ZNF646: variants seen among roughly 807,000 people sequenced by gnomAD.
ZNF646 encodes zinc finger protein 646.
Under a neutral mutation model 115.4 loss-of-function variants are expected in ZNF646, and 49 were observed. The observed-to-expected ratio is 0.42, with a 90% CI of 0.34 to 0.54. The LOEUF is 0.54. ZNF646 is among the 20% of genes least tolerant of loss of function. The pLI is 0.04. For synonymous variants in ZNF646, 933 were observed against 939.0 expected (o/e 0.99, Z 0.12); for missense variants, 2,269 against 2,457.9 (o/e 0.92, Z 1.62).
rs778925407 is a variant in ZNF646, at chr16:31,080,216, C to T, written c.3892C>T (p.Pro1298Ser). 2.4e-5 allele frequency: 38 copies of T among 1,610,404 alleles called. No individual in the cohort carries two copies. The South Asian group carries it at 4.1e-4, about 17-fold the overall frequency. The change falls in exon 2 of 3, where the codon CCC becomes TCC. Residue 1298 changes from proline to serine, a missense_variant. Around this residue, in one of 5 missense-constraint regions of ZNF646, gnomAD observed 1,062 missense variants for 1,172.8 expected, o/e 0.91. Transcript: ENST00000300850. ...CCGAAAGGCGACTCGGGAAGATCGG[C>T]CCTTCCGCTGTGGGCAGTGCGGGCG... The part of the protein sequence containing the change: ...GTRKATREDR[P>S]FRCGQCGRTY...
rs1362824108 is a variant in ZNF646, at chr16:31,074,431, A to G, written c.-280A>G. The G allele has an allele frequency of 1.3e-5, 2 of 152,298 alleles. No individual in the cohort carries two copies. The highest frequency in any genetic ancestry group is 2.9e-5 in the Non-Finnish European group (2 of 68,062). 9.4% of individuals were successfully genotyped at this position (152,298 alleles called of 1,614,324 possible). ...ACACTTCCTGTTTCCTAGTAACAAT[A>G]GGAAGTGTCCGTAGAGCTGGGAGTA... On this transcript the variant is annotated 5_prime_UTR_variant, in exon 1 of 3. In the 5' UTR this introduces an upstream ATG that the reference lacks. Transcript: ENST00000300850.
Position 31,081,942 on chromosome 16 carries a change from G to A in ZNF646, c.5377+241G>A, listed in dbSNP as rs117819187. On this transcript the variant is annotated intron_variant, in intron 2 of 2. Coordinates refer to ENST00000300850, the MANE Select transcript of ZNF646 (RefSeq NM_014699.4). ...CAGCACGTGGGGGCGTGGTCAGGCC[G>A]AGGCTGCTACCTGGGCTCCTCCATT... is the stretch of plus-strand genomic sequence containing the variant. 436 of 605,104 alleles carry A rather than the reference G, an allele frequency of 7.2e-4. 5 individuals are homozygous for A. The East Asian group carries it at 0.012, about 17-fold the overall frequency. The allele number at this position is 605,104 out of a possible 1,614,324, so 37.5% of individuals were successfully genotyped here.
chr16:31,076,704 G>C lies in ZNF646; in HGVS notation c.380G>C (p.Trp127Ser). The stretch of plus-strand genomic sequence containing the variant: ...GGTGAGACGGTGTCCACTGACTCCT[G>C]GGGCCAAAGGCTTGGCTCTAGTGAA... ...LQGETVSTDS[W>S]GQRLGSSEGW... The change falls in exon 2 of 3, where the codon TGG (tryptophan) becomes TCG (serine). Residue 127 changes from tryptophan (W) to serine (S), a missense_variant. This residue lies in a region of ZNF646 where 334 missense variants were observed against 323.5 expected (regional missense o/e 1.03). Coordinates refer to ENST00000300850, the MANE Select transcript of ZNF646 (RefSeq NM_014699.4). 6.2e-7 allele frequency: 1 copy of C among 1,613,640 alleles called. No homozygotes were observed. The highest frequency in any genetic ancestry group is 8.5e-7 in the Non-Finnish European group (1 of 1,180,008).
chr16:31,079,972 C>T lies in ZNF646; in HGVS notation c.3648C>T (p.Gly1216=), dbSNP rs758628589. Residue 1216 remains glycine, a synonymous_variant, in exon 2 of 3, where the codon GGC becomes GGT. Coordinates refer to ENST00000300850, the MANE Select transcript of ZNF646 (RefSeq NM_014699.4). This position sits in a 1 kb window ranked among gnomAD's most constrained non-coding sequence, Gnocchi z 5.5. ...GTGGCCGATCCTACAAGCACGCCGGCAGCCTCATCAACCACCGGCAGAGCC... is the reference window on the plus strand; with the variant it reads ...GTGGCCGATCCTACAAGCACGCCGGTAGCCTCATCAACCACCGGCAGAGCC... ...EVCGRSYKHA[G]SLINHRQSHQ... 67 of 1,609,216 alleles carry T rather than the reference C, an allele frequency of 4.2e-5. No individual in the cohort carries two copies. Among genetic ancestry groups the T allele is most frequent in the Non-Finnish European group, 3.1e-5 (36 of 1,176,682 alleles).
At position 31,081,166 on chromosome 16, in the gene ZNF646, G is replaced by T. The variant is rs758336941; in HGVS notation, c.4842G>T (p.Val1614=). 1 of 1,597,452 alleles carries T rather than the reference G, an allele frequency of 6.3e-7. No individual in the cohort carries two copies. Among genetic ancestry groups the T allele is most frequent in the Admixed American group, 1.7e-5 (1 of 58,512 alleles). The stretch of plus-strand genomic sequence containing the variant: ...CTCATGCCCGGGGCCACAGCCAGGT[G>T]CCAGCCCAGATGGAGGAGGCCAGAG... ...LQAHARGHSQ[V]PAQMEEARDP... The change falls in exon 2 of 3, where the codon GTG becomes GTT. Residue 1614 remains valine, a synonymous_variant. Coordinates refer to ENST00000300850, the MANE Select transcript of ZNF646 (RefSeq NM_014699.4).
Position 31,078,207 on chromosome 16 carries a change from A to G in ZNF646, c.1883A>G (p.His628Arg), listed in dbSNP as rs544578359. 2 of 1,614,090 alleles carry G rather than the reference A, an allele frequency of 1.2e-6. No individual in the cohort carries two copies. Among genetic ancestry groups the G allele is most frequent in the East Asian group, 4.5e-5 (2 of 44,886 alleles). Residue 628 changes from histidine (H) to arginine (R), a missense_variant, in exon 2 of 3, where the codon CAC becomes CGC. Physicochemically the swap from His to Arg is conservative, Grantham distance 29 (BLOSUM62 0). This residue lies in a region of ZNF646 where 852 missense variants were observed against 900.2 expected (regional missense o/e 0.95). Transcript: ENST00000300850. ...CGAGACTGTGGAAAGAGCTATCGCCACTCAGGCAGCCTTATCAACCACAGG... is the reference window on the plus strand; with the variant it reads ...CGAGACTGTGGAAAGAGCTATCGCCGCTCAGGCAGCCTTATCAACCACAGG... Reference protein sequence around the residue: ...ACRDCGKSYRHSGSLINHRQT... With the variant: ...ACRDCGKSYRRSGSLINHRQT...
chr16:31,084,106 C>A lies in ZNF646; in HGVS notation c.*1014C>A. The A allele has an allele frequency of 6.4e-7, 1 of 1,560,478 alleles. No homozygotes were observed. Among genetic ancestry groups the A allele is most frequent in the East Asian group, 2.4e-5 (1 of 41,980 alleles). ...AGAGGCAGGGTTTGGCAGGAGGCCC[C>A]GGGGCCACATACTTATGTTGGCCAG... is the stretch of plus-strand genomic sequence containing the variant. On this transcript the variant is annotated 3_prime_UTR_variant, in exon 3 of 3. Transcript: ENST00000300850.
In ZNF646 at chr16:31,077,439, G is replaced by A. The variant is rs750638251; in HGVS notation, c.1115G>A (p.Arg372Gln). Reference sequence around the variant, plus strand: ...GAGGACAGTGGCCTGGAGGAATACCGGCCTTTCCGCTGTGGGGACTGTGGC... The same window carrying A: ...GAGGACAGTGGCCTGGAGGAATACCAGCCTTTCCGCTGTGGGGACTGTGGC... Reference protein sequence around the residue: ...ELEDSGLEEYRPFRCGDCGRT... With the variant: ...ELEDSGLEEYQPFRCGDCGRT... Residue 372 changes from arginine to glutamine, a missense_variant, in exon 2 of 3, where the codon CGG becomes CAG. Physicochemically the swap from Arg to Gln is conservative, Grantham distance 43. This residue lies in a region of ZNF646 where 852 missense variants were observed against 900.2 expected (regional missense o/e 0.95). Transcript: ENST00000300850. 7 of 1,612,986 alleles carry A rather than the reference G, an allele frequency of 4.3e-6. No homozygotes were observed. The highest frequency in any genetic ancestry group is 5.9e-6 in the Non-Finnish European group (7 of 1,179,890).
In ZNF646 at chr16:31,076,416, A is replaced by G; in HGVS notation, c.92A>G (p.His31Arg). The change falls in exon 2 of 3, where the codon CAT becomes CGT. Residue 31 changes from histidine (H) to arginine (R), a missense_variant. Physicochemically the swap from His to Arg is conservative, Grantham distance 29. Coordinates refer to ENST00000300850, the MANE Select transcript of ZNF646 (RefSeq NM_014699.4). ...CTCTCTCGGCACCGAGAACTGCTCC[A>G]TCCATCTCCCAACCAGGACAGTGAG... Reference protein sequence around the residue: ...PELSRHRELLHPSPNQDSEEA... With the variant: ...PELSRHRELLRPSPNQDSEEA... 1 of 1,613,840 alleles carries G rather than the reference A, an allele frequency of 6.2e-7. No individual in the cohort carries two copies. Among genetic ancestry groups the G allele is most frequent in the South Asian group, 1.1e-5 (1 of 91,062 alleles).
Position 31,079,115 on chromosome 16 carries a change from C to G in ZNF646, c.2791C>G (p.Pro931Ala), listed in dbSNP as rs1270908766. Residue 931 changes from proline to alanine, a missense_variant, in exon 2 of 3, where the codon CCA becomes GCA. By Grantham distance (27) the Pro-to-Ala change is conservative (BLOSUM62 -1). Coordinates refer to ENST00000300850, the MANE Select transcript of ZNF646 (RefSeq NM_014699.4). The surrounding 1 kb of genome is among the most constrained non-coding windows in gnomAD (Gnocchi z 5.5). Reference protein sequence around the residue: ...GVAEAAPARSPPLQLSEAELL... With the variant: ...GVAEAAPARSAPLQLSEAELL... Reference sequence around the variant, plus strand: ...GGCAGAGGCAGCCCCTGCACGCAGTCCACCACTGCAGCTCTCGGAAGCAGA... The same window carrying G: ...GGCAGAGGCAGCCCCTGCACGCAGTGCACCACTGCAGCTCTCGGAAGCAGA... 1 of 1,593,530 alleles carries G rather than the reference C, an allele frequency of 6.3e-7. No individual in the cohort carries two copies. The highest frequency in any genetic ancestry group is 8.6e-7 in the Non-Finnish European group (1 of 1,167,438).
In ZNF646 at chr16:31,077,226, G is replaced by A. The variant is rs1329470948; in HGVS notation, c.902G>A (p.Arg301His). 8 of 1,613,962 alleles carry A rather than the reference G, an allele frequency of 5.0e-6. No homozygotes were observed. Among genetic ancestry groups the A allele is most frequent in the East Asian group, 2.2e-5 (1 of 44,882 alleles). The change falls in exon 2 of 3, where the codon CGT becomes CAT. Residue 301 changes from arginine (R) to histidine (H), a missense_variant. By Grantham distance (29) the Arg-to-His change is conservative (BLOSUM62 0). Coordinates refer to ENST00000300850, the MANE Select transcript of ZNF646 (RefSeq NM_014699.4). Reference protein sequence around the residue: ...YRPYHCPHCPRVFRLPRELLE... With the variant: ...YRPYHCPHCPHVFRLPRELLE... ...CCTTACCACTGTCCCCACTGCCCCC[G>A]TGTCTTCCGGCTCCCCCGGGAGCTG... is the stretch of plus-strand genomic sequence containing the variant.
chr16:31,074,393 T>A (rs990055396), upstream of ZNF646: 3 of 152,194 alleles, frequency 2.0e-5, no homozygotes, highest in Non-Finnish European at 2.9e-5. Flanking sequence ...CGGGGAAGCT[T>A]TTGCACCTAA....
At position 31,083,785 on chromosome 16, in the gene ZNF646, C is replaced by T. The variant is rs757792526; in HGVS notation, c.*693C>T. 6.2e-7 allele frequency: 1 copy of T among 1,613,996 alleles called. No homozygotes were observed. Among genetic ancestry groups the T allele is most frequent in the Non-Finnish European group, 8.5e-7 (1 of 1,179,986 alleles). On this transcript the variant is annotated 3_prime_UTR_variant, in exon 3 of 3. Coordinates refer to ENST00000300850, the MANE Select transcript of ZNF646 (RefSeq NM_014699.4). Reference sequence around the variant, plus strand: ...CTCTTGTCCTGAGAATGGCCAGGTCCCCTGTCAGCAGCTGGTTGGTTGGCC... The same window carrying T: ...CTCTTGTCCTGAGAATGGCCAGGTCTCCTGTCAGCAGCTGGTTGGTTGGCC...
At chr16:31,074,999 A>G (rs1254563748) in intron 1 of ZNF646, among the ~76,000 whole-genome samples, 1 of 152,212 alleles carries the variant, frequency 6.6e-6, no homozygotes, top group South Asian at 2.1e-4. Flanking sequence ...TGTTACGTGA[A>G]CTAGAATAAC....
In ZNF646 at chr16:31,079,317, A is replaced by T; in HGVS notation, c.2993A>T (p.Asp998Val). The T allele has an allele frequency of 6.2e-7, 1 of 1,612,818 alleles. No individual in the cohort carries two copies. Among genetic ancestry groups the T allele is most frequent in the Non-Finnish European group, 8.5e-7 (1 of 1,179,220 alleles). ...KAPSPLGVAG[D>V]AMEMVVDSVL... ...CCCAGCCCCTTGGGAGTGGCAGGTG[A>T]TGCCATGGAGATGGTCGTGGACAGT... Residue 998 changes from aspartate to valine, a missense_variant, in exon 2 of 3, where the codon GAT becomes GTT. Physicochemically the swap from Asp to Val is radical, Grantham distance 152. Transcript: ENST00000300850. The surrounding 1 kb of genome is among the most constrained non-coding windows in gnomAD (Gnocchi z 5.5).
At chr16:31,073,900 C>T (rs2057041042), upstream of ZNF646, 1 of 152,224 alleles carries the variant, frequency 6.6e-6, no homozygotes, top group Non-Finnish European at 1.5e-5. Flanking sequence ...TGTGCTGAGG[C>T]AAGGGGACGC....
In ZNF646 at chr16:31,076,558, C is replaced by T. The variant is rs1596766463; in HGVS notation, c.234C>T (p.Thr78=). 1 of 1,612,384 alleles carries T rather than the reference C, an allele frequency of 6.2e-7. No homozygotes were observed. Among genetic ancestry groups the T allele is most frequent in the Non-Finnish European group, 8.5e-7 (1 of 1,178,910 alleles). The part of the protein sequence containing the change: ...RTHETGLFPC[T]TCGKDFSNPM... ...ACGAGACTGGCCTTTTCCCCTGTAC[C>T]ACCTGTGGCAAGGACTTCTCCAATC... Residue 78 remains threonine, a synonymous_variant, in exon 2 of 3, where the codon ACC becomes ACT. Coordinates refer to ENST00000300850, the MANE Select transcript of ZNF646 (RefSeq NM_014699.4).
intron 1 of ZNF646, among the ~76,000 whole-genome samples, chr16:31,075,387 TC>T (rs2057064027): frequency 3.3e-5 from 5 of 152,140 alleles, no homozygotes; most frequent in Admixed American, 2.6e-4. Flanking sequence ...AACCTCCACC[TC>T]CCAGGTTCAA....
Position 31,079,526 on chromosome 16 carries a change from G to A in ZNF646, c.3202G>A (p.Val1068Met), listed in dbSNP as rs1426864628. ...GACCTATCGCCATGGGGGCAGCCTG[G>A]TGAACCACCGCAAGATCCACCAGAC... is the stretch of plus-strand genomic sequence containing the variant. ...GKTYRHGGSL[V>M]NHRKIHQTGD... The change falls in exon 2 of 3, where the codon GTG (valine) becomes ATG (methionine). Residue 1068 changes from valine to methionine, a missense_variant. Coordinates refer to ENST00000300850, the MANE Select transcript of ZNF646 (RefSeq NM_014699.4). The surrounding 1 kb of genome is among the most constrained non-coding windows in gnomAD (Gnocchi z 5.5). The A allele has an allele frequency of 6.2e-7, 1 of 1,613,536 alleles. No homozygotes were observed. The highest frequency in any genetic ancestry group is 1.7e-5 in the Admixed American group (1 of 60,020).
Sources: allele counts gnomAD v4.1 joint callset (sites outside exome capture counted in the v4.1 genomes callset), GRCh38; gene constraint gnomAD v4.1.1; regional missense constraint gnomAD v4.1.1; non-coding constraint Gnocchi (gnomAD v3.1); transcripts MANE v1.5; gene names NCBI Gene and HGNC (gene_info 2026-07-23, HGNC 2026-07-21).